ULK2: variants seen among roughly 807,000 people sequenced by gnomAD.
The protein encoded by ULK2 is serine/threonine-protein kinase ULK2.
ULK2 carries 76 observed loss-of-function variants against 127.5 expected under a neutral mutation model. The ratio of observed to expected loss-of-function variants is 0.60; its 90% CI spans 0.50 to 0.72. The LOEUF (loss-of-function observed/expected upper bound fraction) is 0.72, where lower values mean the gene tolerates loss of function less well. Ranked by LOEUF, ULK2 falls within the 30% of genes least tolerant of loss-of-function variation. The pLI, the probability that ULK2 is intolerant of heterozygous loss-of-function variation, is 0.00. For missense variants in ULK2, 1,144 were observed against 1,295.9 expected, an observed-to-expected ratio of 0.88 and a Z score of 1.80; for synonymous variants, 452 against 461.9, an observed-to-expected ratio of 0.98 and a Z score of 0.28.
chr17:19,832,102 T>A (rs1167269506), intron 10 of ULK2, among the ~76,000 whole-genome samples: 1 of 151,756 alleles, frequency 6.6e-6, no homozygotes, highest in African/African-American at 2.4e-5. Flanking sequence ...CACTCCAGCG[T>A]TGGTGACAGA....
At chr17:19,841,960 A>C (rs939420633) in intron 8 of ULK2, among the ~76,000 whole-genome samples, 1 of 152,116 alleles carries the variant, frequency 6.6e-6, no homozygotes, top group African/African-American at 2.4e-5. Context: ...TGAAGGTTAC[A>C]CGGCCTGCCC....
intron 16 of ULK2, among the ~76,000 whole-genome samples, chr17:19,800,214 T>C (rs2087368299): frequency 2.6e-5 from 4 of 152,174 alleles, no homozygotes; most frequent in African/African-American, 9.7e-5. Context: ...TTCCTCCTGC[T>C]CCTCCCCTTC....
At chr17:19,816,086 C>T (rs1325755272) in intron 13 of ULK2, among the ~76,000 whole-genome samples, 3 of 152,120 alleles carry the variant, frequency 2.0e-5, no homozygotes, top group Admixed American at 2.0e-4. Context: ...AAGCACTAGA[C>T]GAACAACTAA....
Position 19,825,596 on chromosome 17 carries a change from G to T in ULK2, c.836-414C>A, listed in dbSNP as rs191645892. Among the ~76,000 whole-genome samples, 536 of 151,702 alleles carry T rather than the reference G, an allele frequency of 3.5e-3. 2 individuals are homozygous for T. The highest frequency in any genetic ancestry group is 0.012 in the African/African-American group (511 of 41,354). On this transcript the variant is annotated intron_variant, in intron 11 of 26. Transcript: ENST00000395544. ...GTGGTAGTGCCCGCCTGTAATCCCAGCTACTCCAGAGGCTGAGGCAGGAGA... is the reference window on the plus strand; with the variant it reads ...GTGGTAGTGCCCGCCTGTAATCCCATCTACTCCAGAGGCTGAGGCAGGAGA...
chr17:19,863,805 T>C (rs897150011), intron 3 of ULK2, among the ~76,000 whole-genome samples: 1 of 152,188 alleles, frequency 6.6e-6, no homozygotes, highest in Admixed American at 6.5e-5. Context: ...ATTTTGACTA[T>C]ACAGAAATTT....
chr17:19,826,700 A>T (rs1369826752), intron 10 of ULK2, among the ~76,000 whole-genome samples: 2 of 152,212 alleles, frequency 1.3e-5, no homozygotes, highest in African/African-American at 4.8e-5. Flanking sequence ...TCACGCCCGT[A>T]AGCCCAGCAC....
intron 3 of ULK2, among the ~76,000 whole-genome samples, chr17:19,864,385 G>T (rs900108950): frequency 6.6e-6 from 1 of 151,630 alleles, no homozygotes; most frequent in Non-Finnish European, 1.5e-5. Context: ...TGAGGCAGGA[G>T]AATCGCTTAA....
At chr17:19,824,886 T>G (rs1404144764) in intron 12 of ULK2, among the ~76,000 whole-genome samples, 1 of 152,212 alleles carries the variant, frequency 6.6e-6, no homozygotes, top group East Asian at 1.9e-4. Flanking sequence ...GAGGTGACAT[T>G]TCTTTCTGGA....
intron 3 of ULK2, among the ~76,000 whole-genome samples, chr17:19,856,701 A>G (rs1031579919): frequency 3.7e-4 from 54 of 147,614 alleles, no homozygotes; most frequent in Non-Finnish European, 6.8e-4. Flanking sequence ...GGCCGGGTGC[A>G]GTGGCTCACG....
intron 10 of ULK2, among the ~76,000 whole-genome samples, chr17:19,837,243 C>T (rs2041621239): frequency 6.6e-6 from 1 of 151,846 alleles, no homozygotes. Flanking sequence ...CATGACGAAA[C>T]CCTGTCTCTA....
At chr17:19,837,037 G>A (rs1026205056) in intron 10 of ULK2, among the ~76,000 whole-genome samples, 3 of 151,510 alleles carry the variant, frequency 2.0e-5, no homozygotes, top group Non-Finnish European at 4.4e-5. Flanking sequence ...GGTGAGCTAC[G>A]ATCACACCAC....
At chr17:19,825,649 G>GC (rs2041270165) in intron 11 of ULK2, among the ~76,000 whole-genome samples, 1 of 151,704 alleles carries the variant, frequency 6.6e-6, no homozygotes, top group East Asian at 1.9e-4. Flanking sequence ...AGCAGAGGTT[G>GC]TACCACTGCA....
chr17:19,825,011 T>C, intron 12 of ULK2, 83 bp downstream of exon 12: 1 of 1,247,868 alleles, frequency 8.0e-7, no homozygotes, highest in Non-Finnish European at 1.1e-6. Flanking sequence ...AAAAAGAATA[T>C]CCACAGTGTA....
intron 3 of ULK2, among the ~76,000 whole-genome samples, chr17:19,853,811 T>G (rs1007728335): frequency 4.0e-5 from 6 of 151,096 alleles, no homozygotes; most frequent in African/African-American, 1.5e-4. Flanking sequence ...GACCTCGTGA[T>G]CCCCCCGCCT....
chr17:19,835,173 G>A (rs528474226), intron 10 of ULK2, among the ~76,000 whole-genome samples: 1 of 150,878 alleles, frequency 6.6e-6, no homozygotes, highest in African/African-American at 2.4e-5. Flanking sequence ...TGGAGATGGA[G>A]TCTCGCTCTG....
rs141117497 is a variant in ULK2, at chr17:19,827,668, T to C, written c.788-1482A>G. On this transcript the variant is annotated intron_variant, in intron 10 of 26. Transcript: ENST00000395544. ...GGCTCACGCCTATAATCCCAGCACT[T>C]TGGGAGGCAGAGGTAGGTAGATCAC... Among the ~76,000 whole-genome samples the C allele has an allele frequency of 1.7e-3, 254 of 152,216 alleles. 2 individuals are homozygous for C. Among genetic ancestry groups the C allele is most frequent in the African/African-American group, 5.9e-3 (245 of 41,530 alleles).
intron 20 of ULK2, among the ~76,000 whole-genome samples, chr17:19,792,835 G>C (rs2087185383): frequency 1.3e-5 from 2 of 151,946 alleles, no homozygotes; most frequent in African/African-American, 4.8e-5. Flanking sequence ...AACCAAAACA[G>C]TCTTGAAAAA....
At chr17:19,800,430 C>T (rs1183226454) in intron 16 of ULK2, among the ~76,000 whole-genome samples, 1 of 152,108 alleles carries the variant, frequency 6.6e-6, no homozygotes, top group Non-Finnish European at 1.5e-5. Flanking sequence ...TAGGGAAGGG[C>T]TTTATCCTTG....
chr17:19,859,874 A>G (rs541609786), intron 3 of ULK2, among the ~76,000 whole-genome samples: 2 of 152,240 alleles, frequency 1.3e-5, no homozygotes, highest in Admixed American at 6.5e-5. Context: ...ACAGGGTCTC[A>G]CTATGTTGCA....
Sources: gnomAD v4.1 joint callset for allele counts (sites outside exome capture counted in the v4.1 genomes callset) on GRCh38, gnomAD v4.1.1 for gene constraint, MANE v1.5 for transcripts, NCBI Gene and HGNC (gene_info 2026-07-23, HGNC 2026-07-21) for gene names.